The following PKHD1 variants were observed in gnomAD, a reference collection of about 807,000 sequenced individuals.
The protein encoded by PKHD1 is fibrocystin.
PKHD1 carries 291 observed loss-of-function variants against 412.0 expected under a neutral mutation model. The ratio of observed to expected loss-of-function variants is 0.71; its 90% confidence interval spans 0.64 to 0.78. PKHD1 has a LOEUF of 0.78. Ranked by LOEUF, PKHD1 falls within the 30% of genes least tolerant of loss-of-function variation. The pLI is 0.00. For synonymous variants in PKHD1, 1,777 were observed against 1,821.5 expected (o/e 0.98, Z 0.62); for missense variants, 4,825 against 4,950.7 (o/e 0.97, Z 0.76).
At chr6:51,961,449 T>C (rs1387849635) in intron 35 of PKHD1, among the ~76,000 whole-genome samples, 1 of 152,054 alleles carries the variant, frequency 6.6e-6, no homozygotes, top group African/African-American at 2.4e-5. Context: ...AGTTCCAGTA[T>C]CACAGAAAAA....
intron 34 of PKHD1, among the ~76,000 whole-genome samples, chr6:52,016,609 C>T (rs1028704796): frequency 6.9e-6 from 1 of 144,332 alleles, no homozygotes; most frequent in Non-Finnish European, 1.5e-5. Flanking sequence ...GCACTCCAGC[C>T]TTGGCGACAG....
Position 51,705,862 on chromosome 6 carries a change from T to C in PKHD1, c.10156+38523A>G, listed in dbSNP as rs915106341. On this transcript the variant is annotated intron_variant, in intron 60 of 66. Coordinates refer to ENST00000371117, the MANE Select transcript of PKHD1 (RefSeq NM_138694.4). ...CATGGGCAGAGAAGGGCAATTGTGA[T>C]TAATCACAGGTGCTGGCTAGCTGAA... 4.6e-5 allele frequency among the ~76,000 whole-genome samples: 7 copies of C among 152,290 alleles called. 1 individual carries two copies. Among genetic ancestry groups the C allele is most frequent in the South Asian group, 4.1e-4 (2 of 4,828 alleles).
At chr6:51,723,110 A>G (rs1161490422) in intron 60 of PKHD1, among the ~76,000 whole-genome samples, 1 of 152,212 alleles carries the variant, frequency 6.6e-6, no homozygotes, top group Non-Finnish European at 1.5e-5. Context: ...AAAGAGAATA[A>G]AAGTCTGCTC....
At chr6:51,725,461 T>G (rs1018234151) in intron 60 of PKHD1, among the ~76,000 whole-genome samples, 7 of 152,120 alleles carry the variant, frequency 4.6e-5, no homozygotes, top group African/African-American at 1.7e-4. Context: ...CAACCTATTA[T>G]GTTCATATTT....
chr6:51,826,410 T>C (rs184540921), intron 52 of PKHD1, among the ~76,000 whole-genome samples: 107 of 152,210 alleles, frequency 7.0e-4, no homozygotes, highest in African/African-American at 2.4e-3. Context: ...CTACATGATA[T>C]CATATTTGCA....
At chr6:51,649,380 T>C (rs1454156150) in intron 61 of PKHD1, among the ~76,000 whole-genome samples, 160 bp from the exon 62 acceptor site, 1 of 152,136 alleles carries the variant, frequency 6.6e-6, no homozygotes, top group Non-Finnish European at 1.5e-5. Context: ...ATAGCAAAGG[T>C]TAATTGTGTA....
In PKHD1 at chr6:52,025,376, A is replaced by G. The variant is rs2128143818; in HGVS notation, c.4434T>C (p.Leu1478=). 2.5e-6 allele frequency: 4 copies of G among 1,613,102 alleles called. No individual in the cohort carries two copies. Among genetic ancestry groups the G allele is most frequent in the Non-Finnish European group, 2.5e-6 (3 of 1,179,178 alleles). The change falls in exon 32 of 67, where the codon CTT becomes CTC. Residue 1478 remains leucine, a synonymous_variant. Coordinates refer to ENST00000371117, the MANE Select transcript of PKHD1 (RefSeq NM_138694.4). ...CAGGACTTGCCTCTTCCCTTATGAA[A>G]AGAGTGCAATTCCCCTGACACTCGC... is the stretch of plus-strand genomic sequence containing the variant. ...LTSECQGNCT[L]FIREEASPVM... is the part of the protein sequence containing the mutation.
chr6:51,969,901 G>A (rs944062357), intron 35 of PKHD1, among the ~76,000 whole-genome samples: 60 of 152,168 alleles, frequency 3.9e-4, no homozygotes, highest in African/African-American at 1.4e-3. Flanking sequence ...ATAATCACCT[G>A]AATGAAGGTA....
At chr6:51,624,945 T>C (rs1247650735) in intron 66 of PKHD1, among the ~76,000 whole-genome samples, 1 of 152,168 alleles carries the variant, frequency 6.6e-6, no homozygotes, top group Non-Finnish European at 1.5e-5. Context: ...ATTCATTAAA[T>C]CTTATGAGTA....
chr6:51,909,466 G>T lies in PKHD1; in HGVS notation c.6499C>A (p.Gln2167Lys), dbSNP rs368263958. 30 of 1,612,360 alleles carry T rather than the reference G, an allele frequency of 1.9e-5. 1 individual carries two copies. In the South Asian group the frequency reaches 1.9e-4, roughly 10 times the overall value. The change falls in exon 40 of 67, where the codon CAG becomes AAG. Residue 2167 changes from glutamine (Q) to lysine (K), a missense_variant. Coordinates refer to ENST00000371117, the MANE Select transcript of PKHD1 (RefSeq NM_138694.4). ...TCACTCATGGAATACAAACAGTGCT[G>T]CAGATTACCTGAAATGCAAAATAAA... Reference protein sequence around the residue: ...QEANAPEGNLQHCLYSMSEKM... With the variant: ...QEANAPEGNLKHCLYSMSEKM...
intron 56 of PKHD1, 65 bp downstream of exon 56, chr6:51,754,718 GC>G: frequency 7.2e-7 from 1 of 1,398,596 alleles, no homozygotes; most frequent in East Asian, 2.3e-5. Flanking sequence ...GAGGTCCCCA[GC>G]TAGGTTACCA....
Position 52,051,670 on chromosome 6 carries a change from TG to T in PKHD1, c.2141-1376del, listed in dbSNP as rs1806864432. ...TTCTGAATCCTTGGCTTCAAGTGTT[TG>T]GCGAGGCAGAATGGCATTAAAGGGA... On this transcript the variant is annotated intron_variant, in intron 21 of 66. Transcript: ENST00000371117. Among the ~76,000 whole-genome samples, 3 of 152,270 alleles carry T rather than the reference TG, an allele frequency of 2.0e-5. 1 individual carries two copies. In the South Asian group the frequency reaches 6.2e-4, roughly 32 times the overall value.
chr6:51,785,975 C>A lies in PKHD1; in HGVS notation c.8440+5261G>T, dbSNP rs139230449. Among the ~76,000 whole-genome samples the A allele has an allele frequency of 1.4e-4, 21 of 152,240 alleles. No homozygotes were observed. The East Asian group carries it at 3.5e-3, about 25-fold the overall frequency. ...TTATGAGTCTGGGTACTTAACAAAC[C>A]AATGTATAAAGTTTACTGTATACTC... is the stretch of plus-strand genomic sequence containing the variant. On this transcript the variant is annotated intron_variant, in intron 53 of 66. Transcript: ENST00000371117.
At chr6:51,779,955 A>C (rs539126156) in intron 53 of PKHD1, among the ~76,000 whole-genome samples, 1 of 152,192 alleles carries the variant, frequency 6.6e-6, no homozygotes, top group Non-Finnish European at 1.5e-5. Context: ...AAAGCAGTTT[A>C]ACAAATTTTT....
At chr6:52,005,627 A>G (rs1173880307) in intron 35 of PKHD1, among the ~76,000 whole-genome samples, 2 of 152,132 alleles carry the variant, frequency 1.3e-5, no homozygotes, top group South Asian at 2.1e-4. Flanking sequence ...CCGAGCCCCT[A>G]CTCTGTGAGA....
intron 54 of PKHD1, 23 bp downstream of exon 54, chr6:51,775,785 T>C: frequency 9.1e-7 from 1 of 1,102,400 alleles, no homozygotes; most frequent in Non-Finnish European, 1.4e-6. Context: ...TTATTTTTAA[T>C]AAAAACTATA....
intron 47 of PKHD1, among the ~76,000 whole-genome samples, chr6:51,869,234 G>C (rs1197323971): frequency 6.6e-6 from 1 of 151,958 alleles, no homozygotes; most frequent in Non-Finnish European, 1.5e-5. Flanking sequence ...CTTACTTCTT[G>C]GATTCTATTT....
At chr6:51,855,124 G>A (rs1221419488) in intron 49 of PKHD1, among the ~76,000 whole-genome samples, 3 of 152,132 alleles carry the variant, frequency 2.0e-5, no homozygotes, top group Admixed American at 6.5e-5. Flanking sequence ...GCTGGGTAGC[G>A]GCTCACTCAC....
intron 64 of PKHD1, among the ~76,000 whole-genome samples, chr6:51,637,449 T>C (rs1413457023): frequency 6.6e-6 from 1 of 152,164 alleles, no homozygotes; most frequent in Admixed American, 6.5e-5. Context: ...GTGACTCTCA[T>C]GAAAACATAT....
Sources: allele counts gnomAD v4.1 joint callset (sites outside exome capture counted in the v4.1 genomes callset), GRCh38; gene constraint gnomAD v4.1.1; transcripts MANE v1.5; gene names NCBI Gene and HGNC (gene_info 2026-07-23, HGNC 2026-07-21).